The following DLG2 variants were observed in gnomAD, a reference collection of about 807,000 sequenced individuals.
DLG2 encodes disks large homolog 2.
A neutral mutation model predicts 132.5 loss-of-function variants in DLG2; 45 were observed. That is an observed-to-expected ratio of 0.34 (90% CI 0.27 to 0.44). The LOEUF (loss-of-function observed/expected upper bound fraction) is 0.44. DLG2 is among the 20% of genes least tolerant of loss of function. DLG2 has a pLI of 1.00. For missense variants in DLG2, 1,045 were observed against 1,196.9 expected (o/e 0.87, Z 1.87); for synonymous variants, 424 against 419.6 (o/e 1.01, Z -0.13).
chr11:83,903,929 A>G (rs2074104456), intron 15 of DLG2, among the ~76,000 whole-genome samples: 2 of 152,236 alleles, frequency 1.3e-5, no homozygotes, highest in African/African-American at 2.4e-5. Context: ...CTATGCATAC[A>G]TATCTATGAT....
At chr11:84,113,997 TATTAA>T (rs1481180470) in intron 9 of DLG2, among the ~76,000 whole-genome samples, 3 of 152,104 alleles carry the variant, frequency 2.0e-5, no homozygotes, top group Non-Finnish European at 4.4e-5. Context: ...AATCCAACTA[TATTAA>T]ATTAAGCCAG....
chr11:83,673,272 T>G (rs1390619954), intron 18 of DLG2, among the ~76,000 whole-genome samples: 1 of 152,204 alleles, frequency 6.6e-6, no homozygotes, highest in African/African-American at 2.4e-5. Context: ...CATTAATAAA[T>G]AGGCTCGCTC....
intron 6 of DLG2, among the ~76,000 whole-genome samples, chr11:84,904,949 G>A (rs4943903): frequency 0.46 from 70,539 of 151,988 alleles, 17,001 homozygotes; most frequent in South Asian, 0.62. Flanking sequence ...TTTGAGACAG[G>A]GTCTCGCTCT....
chr11:83,967,111 A>G (rs1002880733), intron 12 of DLG2, among the ~76,000 whole-genome samples: 1 of 152,102 alleles, frequency 6.6e-6, no homozygotes, highest in Non-Finnish European at 1.5e-5. Context: ...CATATATACC[A>G]CATTTTCTTT....
chr11:85,364,116 T>C (rs1173383581), intron 3 of DLG2, among the ~76,000 whole-genome samples: 2 of 152,162 alleles, frequency 1.3e-5, no homozygotes, highest in Non-Finnish European at 2.9e-5. Context: ...ATAAGCACCT[T>C]GGCTGAGGTC....
intron 3 of DLG2, among the ~76,000 whole-genome samples, chr11:85,572,550 A>G (rs895853639): frequency 6.6e-6 from 1 of 152,136 alleles, no homozygotes; most frequent in Non-Finnish European, 1.5e-5. Flanking sequence ...CCAAATATCT[A>G]TATTTTCCTC....
rs765224774 is a variant in DLG2 at position 84,059,464 on chromosome 11, C to T, written c.770G>A (p.Arg257Gln). Reference sequence around the variant, plus strand: ...CTCTGACACATCAACCTCATTCACCCGCAAGATACAATCATTGACCCTGCA... The same window carrying T: ...CTCTGACACATCAACCTCATTCACCTGCAAGATACAATCATTGACCCTGCA... ...GRLRVNDCIL[R>Q]VNEVDVSEVS... Residue 257 changes from arginine (R) to glutamine (Q), a missense_variant, in exon 11 of 28, where the codon CGG becomes CAG. Physicochemically the swap from Arg to Gln is conservative, Grantham distance 43 (BLOSUM62 1). Around this residue, in one of 4 missense-constraint regions of DLG2, gnomAD observed 109 missense variants for 159.1 expected, o/e 0.69. Coordinates refer to ENST00000376104, the MANE Select transcript of DLG2 (RefSeq NM_001142699.3). 8.1e-6 allele frequency: 13 copies of T among 1,605,160 alleles called. No homozygotes were observed. Among genetic ancestry groups the T allele is most frequent in the South Asian group, 3.4e-5 (3 of 89,478 alleles).
At chr11:84,139,740 C>T (rs933495416) in intron 9 of DLG2, among the ~76,000 whole-genome samples, 1 of 151,904 alleles carries the variant, frequency 6.6e-6, no homozygotes, top group African/African-American at 2.4e-5. Flanking sequence ...ACAAAGGCCA[C>T]ACTCGAAACA....
intron 11 of DLG2, among the ~76,000 whole-genome samples, chr11:84,042,175 T>C (rs1339908934): frequency 2.0e-5 from 3 of 151,980 alleles, no homozygotes; most frequent in African/African-American, 7.2e-5. Flanking sequence ...GTTTTCCCAA[T>C]ATAACTTATT....
intron 18 of DLG2, among the ~76,000 whole-genome samples, chr11:83,702,873 T>C (rs2083205939): frequency 6.6e-6 from 1 of 152,220 alleles, no homozygotes; most frequent in South Asian, 2.1e-4. Flanking sequence ...TTTTCTGCAG[T>C]CCATACAAAT....
rs139725855 is a variant in DLG2 at position 84,966,887 on chromosome 11, G to A, written c.357+144774C>T. Among the ~76,000 whole-genome samples the A allele has an allele frequency of 4.8e-3, 727 of 152,074 alleles. 4 individuals are homozygous for A. The highest frequency in any genetic ancestry group is 7.1e-3 in the Admixed American group (108 of 15,244). The stretch of plus-strand genomic sequence containing the variant: ...TCAAACACATAGAGATAAAAGAGAA[G>A]CTAAGGTTTTTAGTCTAAGAGACTG... On this transcript the variant is annotated intron_variant, in intron 6 of 27. Coordinates refer to ENST00000376104, the MANE Select transcript of DLG2 (RefSeq NM_001142699.3).
intron 6 of DLG2, among the ~76,000 whole-genome samples, chr11:84,783,230 T>G (rs561088155): frequency 6.6e-6 from 1 of 152,184 alleles, no homozygotes; most frequent in Non-Finnish European, 1.5e-5. Flanking sequence ...GTTGGCTCAG[T>G]CACTTACTAG....
At chr11:84,976,760 C>T (rs1342050528) in intron 6 of DLG2, among the ~76,000 whole-genome samples, 1 of 152,074 alleles carries the variant, frequency 6.6e-6, no homozygotes, top group Non-Finnish European at 1.5e-5. Flanking sequence ...TAGACAGGTG[C>T]CTCAAAGACT....
intron 4 of DLG2, among the ~76,000 whole-genome samples, chr11:85,237,446 G>A (rs2075646908): frequency 2.0e-5 from 3 of 151,952 alleles, no homozygotes; most frequent in Admixed American, 2.0e-4. Flanking sequence ...AATATACACA[G>A]TTGACCCTTA....
intron 19 of DLG2, among the ~76,000 whole-genome samples, chr11:83,550,350 G>A (rs184010992): frequency 1.3e-5 from 2 of 152,248 alleles, no homozygotes; most frequent in African/African-American, 4.8e-5. Context: ...AATTCACCAA[G>A]AGATGTGGTA....
chr11:84,989,730 A>C (rs2056883491), intron 6 of DLG2, among the ~76,000 whole-genome samples: 1 of 152,234 alleles, frequency 6.6e-6, no homozygotes, highest in African/African-American at 2.4e-5. Flanking sequence ...TTTACTACAT[A>C]GCTAGAGTAA....
At chr11:83,871,266 T>C (rs1565428722) in intron 16 of DLG2, among the ~76,000 whole-genome samples, 1 of 152,198 alleles carries the variant, frequency 6.6e-6, no homozygotes, top group Non-Finnish European at 1.5e-5. Context: ...TCATTTTGTC[T>C]GGCATAATTA....
intron 7 of DLG2, among the ~76,000 whole-genome samples, chr11:84,274,803 AGTTT>A (rs1383747473): frequency 2.6e-5 from 4 of 152,180 alleles, no homozygotes; most frequent in Admixed American, 2.6e-4. Context: ...GCCATTAGAC[AGTTT>A]GTTTTTCAAT....
intron 7 of DLG2, among the ~76,000 whole-genome samples, chr11:84,447,748 A>C (rs1318503339): frequency 6.6e-6 from 1 of 152,156 alleles, no homozygotes; most frequent in East Asian, 1.9e-4. Flanking sequence ...ACAAAAACTC[A>C]AATGGGTCCT....
Sources: gnomAD v4.1 joint callset for allele counts (sites outside exome capture counted in the v4.1 genomes callset) on GRCh38, gnomAD v4.1.1 for gene constraint, gnomAD v4.1.1 regional missense constraint, MANE v1.5 for transcripts, NCBI Gene and HGNC (gene_info 2026-07-23, HGNC 2026-07-21) for gene names.